Variants in SPIDR observed in about 807,000 individuals in gnomAD.
The protein encoded by SPIDR is DNA repair-scaffolding protein.
SPIDR carries 93 observed loss-of-function variants against 104.6 expected under a neutral mutation model. That is an observed-to-expected ratio of 0.89 (90% CI 0.75 to 1.06). The LOEUF (loss-of-function observed/expected upper bound fraction) is 1.06. Among genes scored for constraint, SPIDR ranks in the 50% least tolerant of loss-of-function variants. The probability of loss-of-function intolerance (pLI) is 0.00; values close to 1 mark genes in which losing one functional copy is unlikely to be tolerated. For synonymous variants in SPIDR, 431 were observed against 416.9 expected, an observed-to-expected ratio of 1.03 and a Z score of -0.41; for missense variants, 1,154 against 1,111.2, an observed-to-expected ratio of 1.04 and a Z score of -0.55.
chr8:47,496,800 A>G (rs891400177), intron 8 of SPIDR, among the ~76,000 whole-genome samples: 1 of 137,162 alleles, frequency 7.3e-6, no homozygotes, highest in African/African-American at 3.2e-5. Flanking sequence ...CACTGAAACT[A>G]TCTGGGCCTA....
intron 12 of SPIDR, among the ~76,000 whole-genome samples, chr8:47,701,266 C>G (rs569722860): frequency 1.3e-5 from 2 of 152,326 alleles, no homozygotes; most frequent in South Asian, 4.1e-4. Context: ...AACCCCGTCT[C>G]TACTAAAAAT....
intron 10 of SPIDR, among the ~76,000 whole-genome samples, chr8:47,615,429 C>G (rs1415360401): frequency 6.6e-6 from 1 of 151,062 alleles, no homozygotes; most frequent in Non-Finnish European, 1.5e-5. Context: ...TTGCAATTCC[C>G]CCTTAATCTT....
chr8:47,539,318 T>C (rs985364012), intron 8 of SPIDR, among the ~76,000 whole-genome samples: 3 of 152,156 alleles, frequency 2.0e-5, no homozygotes, highest in Non-Finnish European at 2.9e-5. Context: ...CATATGTAAG[T>C]CCTTTCTTAC....
chr8:47,444,885 G>A (rs1554700324), intron 8 of SPIDR, among the ~76,000 whole-genome samples: 2 of 152,052 alleles, frequency 1.3e-5, no homozygotes, highest in African/African-American at 4.8e-5. Context: ...GTACATATTG[G>A]TTCTTTTACT....
At chr8:47,414,421 C>T (rs1377402886) in intron 7 of SPIDR, among the ~76,000 whole-genome samples, 2 of 152,130 alleles carry the variant, frequency 1.3e-5, no homozygotes, top group African/African-American at 2.4e-5. Context: ...TACAATATCA[C>T]TTCTTAAATT....
At chr8:47,610,884 C>T (rs1050352201) in intron 10 of SPIDR, among the ~76,000 whole-genome samples, 4 of 152,184 alleles carry the variant, frequency 2.6e-5, no homozygotes, top group Non-Finnish European at 4.4e-5. Flanking sequence ...GACTAACAAC[C>T]AGGTATTAAA....
intron 8 of SPIDR, among the ~76,000 whole-genome samples, chr8:47,556,680 G>C (rs1031143992): frequency 6.6e-6 from 1 of 152,098 alleles, no homozygotes; most frequent in South Asian, 2.1e-4. Context: ...GCTTACTGCA[G>C]CCTCACACTC....
chr8:47,303,500 G>T (rs1375813014), intron 5 of SPIDR, among the ~76,000 whole-genome samples: 2 of 152,150 alleles, frequency 1.3e-5, no homozygotes, highest in Admixed American at 6.5e-5. Flanking sequence ...CAATACCTCA[G>T]TTGGAAATGC....
At chr8:47,694,790 T>C (rs2079111849) in intron 11 of SPIDR, among the ~76,000 whole-genome samples, 1 of 151,706 alleles carries the variant, frequency 6.6e-6, no homozygotes, top group African/African-American at 2.4e-5. Flanking sequence ...GTGTGTAATA[T>C]AAAAAATGAG....
At chr8:47,390,663 G>A (rs1247947700) in intron 5 of SPIDR, among the ~76,000 whole-genome samples, 4 of 150,418 alleles carry the variant, frequency 2.7e-5, no homozygotes, top group Non-Finnish European at 4.4e-5. Flanking sequence ...ACATCTACTT[G>A]TTATTTTTTT....
chr8:47,667,060 G>A (rs1326436523), intron 10 of SPIDR, among the ~76,000 whole-genome samples: 1 of 151,894 alleles, frequency 6.6e-6, no homozygotes, highest in Non-Finnish European at 1.5e-5. Flanking sequence ...GCAGGCAGAT[G>A]ACCTGAGGTC....
chr8:47,493,652 G>A (rs149197390), intron 8 of SPIDR, among the ~76,000 whole-genome samples: 36 of 152,328 alleles, frequency 2.4e-4, no homozygotes, highest in Middle Eastern at 6.8e-3. Flanking sequence ...TGGAGTGGTA[G>A]CAGCAGGGCT....
intron 11 of SPIDR, among the ~76,000 whole-genome samples, chr8:47,684,365 G>T (rs1191198524): frequency 6.6e-6 from 1 of 152,068 alleles, no homozygotes. Context: ...GGGACTTGCT[G>T]GTTAAAACAA....
chr8:47,661,224 A>G (rs1169732162), intron 10 of SPIDR, among the ~76,000 whole-genome samples: 1 of 152,186 alleles, frequency 6.6e-6, no homozygotes, highest in East Asian at 1.9e-4. Flanking sequence ...TGAGACTCTC[A>G]TTCTAAACAC....
At chr8:47,344,452 A>G (rs1554616192) in intron 5 of SPIDR, among the ~76,000 whole-genome samples, 2 of 152,250 alleles carry the variant, frequency 1.3e-5, no homozygotes, top group Non-Finnish European at 2.9e-5. Flanking sequence ...TCTTTATAAT[A>G]GCATGATTTA....
At chr8:47,489,834 C>A (rs1586600923) in intron 8 of SPIDR, among the ~76,000 whole-genome samples, 1 of 152,150 alleles carries the variant, frequency 6.6e-6, no homozygotes, top group Admixed American at 6.6e-5. Flanking sequence ...TTCCTTACAC[C>A]TTATACACCA....
chr8:47,406,990 T>G (rs908774133), intron 6 of SPIDR, among the ~76,000 whole-genome samples: 37 of 152,252 alleles, frequency 2.4e-4, no homozygotes, highest in Admixed American at 1.9e-3. Flanking sequence ...ATACCCGATA[T>G]AGCATGTAGC....
At chr8:47,481,762 A>G (rs561735164) in intron 8 of SPIDR, among the ~76,000 whole-genome samples, 104 of 152,276 alleles carry the variant, frequency 6.8e-4, no homozygotes, top group African/African-American at 2.2e-3. Context: ...GACAAGGTTG[A>G]CTCTACATAA....
intron 5 of SPIDR, among the ~76,000 whole-genome samples, chr8:47,371,479 T>C (rs2058018148): frequency 2.0e-5 from 3 of 152,134 alleles, no homozygotes; most frequent in Non-Finnish European, 4.4e-5. Flanking sequence ...ATGGTCTGGT[T>C]CTGGTGAGGG....
Sources: gnomAD v4.1 joint callset for allele counts (sites outside exome capture counted in the v4.1 genomes callset) on GRCh38, gnomAD v4.1.1 for gene constraint, MANE v1.5 for transcripts, NCBI Gene and HGNC (gene_info 2026-07-23, HGNC 2026-07-21) for gene names.